Variants in MAPRE2 observed in about 807,000 individuals in gnomAD.
MAPRE2 encodes microtubule associated protein RP/EB family member 2.
In MAPRE2, 13 loss-of-function variants were observed where a neutral mutation model predicts 43.2. The observed-to-expected ratio is 0.30, with a 90% confidence interval of 0.20 to 0.48. The LOEUF is 0.48. Among genes scored for constraint, MAPRE2 ranks in the 20% least tolerant of loss-of-function variants. The pLI, the probability that MAPRE2 is intolerant of heterozygous loss-of-function variation, is 0.99. For synonymous variants in MAPRE2, 135 were observed against 148.8 expected (o/e 0.91, Z 0.68); for missense variants, 161 against 400.2 (o/e 0.40, Z 5.10).
intron 1 of MAPRE2, among the ~76,000 whole-genome samples, chr18:35,054,156 C>T (rs1293909173): frequency 6.6e-6 from 1 of 152,112 alleles, no homozygotes; most frequent in Non-Finnish European, 1.5e-5. Flanking sequence ...ACTTCTCTAA[C>T]TCCCTAAGAA....
At chr18:35,103,742 G>A (rs991135663) in intron 4 of MAPRE2, among the ~76,000 whole-genome samples, 6 of 152,118 alleles carry the variant, frequency 3.9e-5, no homozygotes, top group African/African-American at 1.4e-4. Flanking sequence ...AGGAAACTAG[G>A]AAGTGATGTG....
chr18:34,986,289 T>A (rs763457561), intron 1 of MAPRE2, among the ~76,000 whole-genome samples: 6 of 152,158 alleles, frequency 3.9e-5, no homozygotes, highest in Non-Finnish European at 8.8e-5. Context: ...GTTCCTTCCT[T>A]CTTTCAAAGA....
At chr18:35,065,121 C>T (rs888804501) in intron 1 of MAPRE2, among the ~76,000 whole-genome samples, 1 of 151,886 alleles carries the variant, frequency 6.6e-6, no homozygotes, top group Non-Finnish European at 1.5e-5. Flanking sequence ...ATGGTGAAAC[C>T]CTGTCTGTAC....
chr18:35,119,479 G>T (rs1909573256), intron 4 of MAPRE2, among the ~76,000 whole-genome samples: 1 of 152,198 alleles, frequency 6.6e-6, no homozygotes. Flanking sequence ...AATTCCACAA[G>T]GACAAGCATC....
chr18:35,102,147 T>C lies in MAPRE2; in HGVS notation c.598T>C (p.Ser200Pro). 2.5e-6 allele frequency: 4 copies of C among 1,597,232 alleles called. No individual in the cohort carries two copies. Among genetic ancestry groups the C allele is most frequent in the Non-Finnish European group, 3.4e-6 (4 of 1,173,416 alleles). The change falls in exon 4 of 7, where the codon TCC (serine) becomes CCC (proline). Residue 200 changes from serine (S) to proline (P), a missense_variant. Ser to Pro is a moderately conservative substitution (Grantham distance 74). Coordinates refer to ENST00000300249, the MANE Select transcript of MAPRE2 (RefSeq NM_014268.4). ...NLPKKSHHAN[S>P]PTAGAAKSSP... Reference sequence around the variant, plus strand: ...GCCAAAAAAGTCTCACCATGCAAACTCCCCCACAGCAGGTATTGTCACAAT... The same window carrying C: ...GCCAAAAAAGTCTCACCATGCAAACCCCCCCACAGCAGGTATTGTCACAAT...
intron 2 of MAPRE2, among the ~76,000 whole-genome samples, chr18:35,029,532 G>T (rs181639085): frequency 1.3e-5 from 2 of 152,298 alleles, no homozygotes; most frequent in East Asian, 3.9e-4. Context: ...TCCTTTGTAT[G>T]TATATTAAGG....
At chr18:34,998,556 T>C (rs2097027698) in intron 1 of MAPRE2, among the ~76,000 whole-genome samples, 1 of 151,904 alleles carries the variant, frequency 6.6e-6, no homozygotes, top group Non-Finnish European at 1.5e-5. Flanking sequence ...CTCGATCTCC[T>C]GACCTCGTGA....
intron 1 of MAPRE2, among the ~76,000 whole-genome samples, chr18:35,060,785 A>G (rs1906482948): frequency 6.6e-6 from 1 of 152,216 alleles, no homozygotes; most frequent in African/African-American, 2.4e-5. Flanking sequence ...GAGCTGCCTA[A>G]TGAATAGTAG....
chr18:35,052,746 G>T (rs1468039263), intron 1 of MAPRE2, among the ~76,000 whole-genome samples: 1 of 152,056 alleles, frequency 6.6e-6, no homozygotes, highest in Non-Finnish European at 1.5e-5. Flanking sequence ...TTAAATGTTG[G>T]CCATCCTTAT....
intron 2 of MAPRE2, among the ~76,000 whole-genome samples, chr18:35,072,356 A>G (rs1907153412): frequency 6.6e-6 from 1 of 152,212 alleles, no homozygotes; most frequent in African/African-American, 2.4e-5. Flanking sequence ...GGCAAAGACA[A>G]AAATGTGTAT....
At chr18:35,119,994 T>A (rs144564881) in intron 4 of MAPRE2, among the ~76,000 whole-genome samples, 143 of 152,258 alleles carry the variant, frequency 9.4e-4, no homozygotes, top group African/African-American at 3.2e-3. Context: ...GTGTAAGCAT[T>A]TTCCATGTAT....
At chr18:35,082,877 C>G (rs1907707605) in intron 2 of MAPRE2, among the ~76,000 whole-genome samples, 1 of 151,954 alleles carries the variant, frequency 6.6e-6, no homozygotes, top group Non-Finnish European at 1.5e-5. Context: ...ATTTATGTAT[C>G]TAGGCCATAC....
upstream of MAPRE2, among the ~76,000 whole-genome samples, chr18:35,040,697 A>G (rs1404230247): frequency 2.0e-5 from 3 of 152,238 alleles, no homozygotes; most frequent in Non-Finnish European, 4.4e-5. Flanking sequence ...GAGGCAGCAT[A>G]AAGAATTTGA....
At chr18:34,989,699 A>G (rs979493449) in intron 1 of MAPRE2, among the ~76,000 whole-genome samples, 4 of 151,782 alleles carry the variant, frequency 2.6e-5, no homozygotes, top group Non-Finnish European at 5.9e-5. Context: ...AAGCAGAGTG[A>G]GACATTCCCT....
chr18:35,076,443 GATGAAAGA>G (rs1461032065), intron 2 of MAPRE2, among the ~76,000 whole-genome samples: 1 of 152,172 alleles, frequency 6.6e-6, no homozygotes, highest in Non-Finnish European at 1.5e-5. Context: ...GGTGCTTCTG[GATGAAAGA>G]ATGGCCATCG....
intron 4 of MAPRE2, among the ~76,000 whole-genome samples, chr18:35,122,473 A>G (rs1211960553): frequency 6.6e-6 from 1 of 152,146 alleles, no homozygotes; most frequent in Non-Finnish European, 1.5e-5. Flanking sequence ...TGCATCATTT[A>G]TTTTCCTGTT....
At chr18:35,007,729 G>A (rs1208598872) in intron 2 of MAPRE2, among the ~76,000 whole-genome samples, 10 of 152,142 alleles carry the variant, frequency 6.6e-5, no homozygotes, top group Admixed American at 2.6e-4. Context: ...ATCCCTTCTG[G>A]GTTGCACCCT....
chr18:35,041,997 T>C (rs1417540252), intron 1 of MAPRE2, among the ~76,000 whole-genome samples: 1 of 152,140 alleles, frequency 6.6e-6, no homozygotes, highest in Non-Finnish European at 1.5e-5. Flanking sequence ...CCTTCCCTTT[T>C]AGATTTTAAA....
chr18:35,128,281 AAT>A (rs1306113981), intron 5 of MAPRE2, among the ~76,000 whole-genome samples: 2 of 152,202 alleles, frequency 1.3e-5, no homozygotes, highest in Non-Finnish European at 2.9e-5. Context: ...TGTTTCCAAT[AAT>A]GACTTCTTCT....
Sources: gnomAD v4.1 joint callset for allele counts (sites outside exome capture counted in the v4.1 genomes callset) on GRCh38, gnomAD v4.1.1 for gene constraint, MANE v1.5 for transcripts, NCBI Gene and HGNC (gene_info 2026-07-23, HGNC 2026-07-21) for gene names.